Variants in SPOPL observed in about 807,000 individuals in gnomAD.
SPOPL encodes the protein speckle type BTB/POZ protein like.
A neutral mutation model predicts 53.8 loss-of-function variants in SPOPL; 23 were observed. That is an observed-to-expected ratio of 0.43 (90% CI 0.31 to 0.61). The LOEUF is 0.61. SPOPL is among the 20% of genes least tolerant of loss of function. SPOPL has a pLI of 0.12. For synonymous variants in SPOPL, 164 were observed against 149.7 expected, an observed-to-expected ratio of 1.10 and a Z score of -0.70; for missense variants, 442 against 466.9, an observed-to-expected ratio of 0.95 and a Z score of 0.49.
chr2:138,559,140 C>T lies in SPOPL; in HGVS notation c.599C>T (p.Thr200Ile). The change falls in exon 6 of 11, where the codon ACA becomes ATA. Residue 200 changes from threonine to isoleucine, a missense_variant. Transcript: ENST00000280098. Reference protein sequence around the residue: ...LGNLWENTRFTDCSFFVRGQE... With the variant: ...LGNLWENTRFIDCSFFVRGQE... ...AATCTCTGGGAAAACACAAGATTTA[C>T]AGACTGCAGTTTTTTCGTGAGAGGA... 4 of 1,613,754 alleles carry T rather than the reference C, an allele frequency of 2.5e-6. No homozygotes were observed. Among genetic ancestry groups the T allele is most frequent in the Non-Finnish European group, 3.4e-6 (4 of 1,179,804 alleles).
In SPOPL at chr2:138,521,810, C is replaced by G. The variant is rs1263235672; in HGVS notation, c.-61+19691C>G. 5.3e-5 allele frequency among the ~76,000 whole-genome samples: 8 copies of G among 152,284 alleles called. No individual in the cohort carries two copies. In the East Asian group the frequency reaches 1.5e-3, roughly 29 times the overall value. On this transcript the variant is annotated intron_variant, in intron 1 of 10. Transcript: ENST00000280098. ...GTGGATTTCAAAAGAGATTCCCTAA[C>G]ATTGGAATAAGACCCCCCAAAAAAG...
At chr2:138,550,425 G>A (rs41269825) in intron 2 of SPOPL, 58 bp from the exon 3 acceptor site, 3 of 1,591,178 alleles carry the variant, frequency 1.9e-6, no homozygotes, top group Non-Finnish European at 2.6e-6. Context: ...TGTTGAACAT[G>A]TAACAAGTTA....
At chr2:138,550,827 TTC>T (rs66690846) in intron 3 of SPOPL, 74 bp from the exon 4 acceptor site, 146,185 of 1,349,728 alleles carry the variant, frequency 0.11, 4,174 homozygotes, top group East Asian at 0.25. Context: ...CTCTCTCTCT[TTC>T]TCTCTCTCTC....
At position 138,566,738 on chromosome 2, in the gene SPOPL, TA is replaced by T. The variant is rs527722335; in HGVS notation, c.1034+1753del. ...AAGTACAATGCTAGGGTGCTGCATA[TA>T]AAAAAAATTTCAAGGGAAAATTCTT... On this transcript the variant is annotated intron_variant, in intron 10 of 10. Transcript: ENST00000280098. Among the ~76,000 whole-genome samples the T allele has an allele frequency of 3.3e-5, 5 of 152,162 alleles. No individual in the cohort carries two copies. The East Asian group carries it at 7.7e-4, about 23-fold the overall frequency.
At chr2:138,540,076 G>A (rs866124082) in intron 1 of SPOPL, among the ~76,000 whole-genome samples, 4 of 152,152 alleles carry the variant, frequency 2.6e-5, no homozygotes, top group African/African-American at 9.7e-5. Context: ...CATTCTTTCT[G>A]AGGGCTCTGT....
intron 1 of SPOPL, among the ~76,000 whole-genome samples, chr2:138,524,911 A>G (rs1399589000): frequency 6.6e-6 from 1 of 151,822 alleles, no homozygotes; most frequent in African/African-American, 2.4e-5. Context: ...CCTGTTACCC[A>G]GTTCCAAATT....
intron 1 of SPOPL, among the ~76,000 whole-genome samples, chr2:138,521,954 G>A (rs986985975): frequency 1.2e-4 from 19 of 152,148 alleles, no homozygotes; most frequent in African/African-American, 3.6e-4. Context: ...GTGTGTTAGC[G>A]GTATTGACAG....
chr2:138,564,286 A>G (rs540584523), intron 8 of SPOPL: 4 of 169,144 alleles, frequency 2.4e-5, no homozygotes, highest in South Asian at 1.5e-4. Flanking sequence ...AACATACACT[A>G]ATACCTGCAA....
At chr2:138,556,346 C>T (rs967816576) in intron 5 of SPOPL, among the ~76,000 whole-genome samples, 1 of 152,046 alleles carries the variant, frequency 6.6e-6, no homozygotes, top group Non-Finnish European at 1.5e-5. Context: ...ACATTAAATA[C>T]GTTATTTTGA....
At chr2:138,541,992 G>T (rs565569372) in intron 1 of SPOPL, among the ~76,000 whole-genome samples, 43 of 152,188 alleles carry the variant, frequency 2.8e-4, no homozygotes, top group Middle Eastern at 3.4e-3. Context: ...ATTTCGTTAT[G>T]TACCCAGTAG....
At chr2:138,563,204 A>G (rs1685588199) in intron 8 of SPOPL, among the ~76,000 whole-genome samples, 1 of 152,190 alleles carries the variant, frequency 6.6e-6, no homozygotes, top group Non-Finnish European at 1.5e-5. Context: ...CTAGTCAAGC[A>G]TGGTGGCTCA....
intron 8 of SPOPL, among the ~76,000 whole-genome samples, chr2:138,561,261 C>G (rs1270985670): frequency 6.6e-6 from 1 of 151,732 alleles, no homozygotes; most frequent in Non-Finnish European, 1.5e-5. Flanking sequence ...TAGTGCATGA[C>G]CTTTTTTAAA....
intron 1 of SPOPL, among the ~76,000 whole-genome samples, chr2:138,519,170 A>C (rs1207092251): frequency 1.3e-5 from 2 of 152,146 alleles, no homozygotes; most frequent in African/African-American, 4.8e-5. Flanking sequence ...TGTAATACTA[A>C]ATTATTTTTG....
At chr2:138,562,413 C>G (rs1002791579) in intron 8 of SPOPL, among the ~76,000 whole-genome samples, 4 of 152,070 alleles carry the variant, frequency 2.6e-5, no homozygotes, top group African/African-American at 7.2e-5. Flanking sequence ...AAAGACAGTT[C>G]AGTAGAAAAA....
intron 1 of SPOPL, among the ~76,000 whole-genome samples, chr2:138,512,814 C>G (rs115395199): frequency 0.011 from 1,650 of 152,210 alleles, 32 homozygotes; most frequent in African/African-American, 0.037. Flanking sequence ...AATACCAGGT[C>G]CTGTATTTAC....
In SPOPL at chr2:138,571,998, CGT is replaced by C. The variant is rs146632498; in HGVS notation, c.*2933_*2934del. The C allele has an allele frequency of 5.5e-4, 83 of 150,368 alleles. No homozygotes were observed. Among genetic ancestry groups the C allele is most frequent in the African/African-American group, 1.6e-3 (65 of 41,088 alleles). 9.3% of individuals were successfully genotyped at this position (150,368 alleles called of 1,614,324 possible). On this transcript the variant is annotated 3_prime_UTR_variant, in exon 11 of 11. Transcript: ENST00000280098. ...GAGAACCTTGCATGAAATATGTGAT[CGT>C]GTGTGTGTGTGTGTATGCGCGTGTG...
intron 8 of SPOPL, among the ~76,000 whole-genome samples, chr2:138,561,631 C>A (rs1479092461): frequency 6.6e-6 from 1 of 152,090 alleles, no homozygotes; most frequent in Non-Finnish European, 1.5e-5. Flanking sequence ...TTTTTTCTGA[C>A]AACTGCACAT....
rs371666608 is a variant in SPOPL at position 138,559,395 on chromosome 2, A to G, written c.714+58A>G. On this transcript the variant is annotated intron_variant, in intron 7 of 10. Transcript: ENST00000280098. Reference sequence around the variant, plus strand: ...ATATAAACGTAAAGTAGTTGGGTGTATGTTTTAAAAGTAATAGTACAATGT... The same window carrying G: ...ATATAAACGTAAAGTAGTTGGGTGTGTGTTTTAAAAGTAATAGTACAATGT... 471 of 1,500,826 alleles carry G rather than the reference A, an allele frequency of 3.1e-4. 4 individuals carry two copies. In the African/African-American group the frequency reaches 5.9e-3, roughly 19 times the overall value. The allele number at this position is 1,500,826 out of a possible 1,614,324, so 93.0% of individuals were successfully genotyped here.
intron 1 of SPOPL, among the ~76,000 whole-genome samples, chr2:138,522,885 A>T (rs944742174): frequency 6.6e-6 from 1 of 152,108 alleles, no homozygotes; most frequent in African/African-American, 2.4e-5. Flanking sequence ...CTATTCCATT[A>T]ATTCTCTCAA....
Sources: allele counts gnomAD v4.1 joint callset (sites outside exome capture counted in the v4.1 genomes callset), GRCh38; gene constraint gnomAD v4.1.1; transcripts MANE v1.5; gene names NCBI Gene and HGNC (gene_info 2026-07-23, HGNC 2026-07-21).